Variants in CCDC154 observed in about 807,000 individuals in gnomAD.
CCDC154 encodes the protein coiled-coil domain-containing protein 154.
A neutral mutation model predicts 87.5 loss-of-function variants in CCDC154; 91 were observed. The ratio of observed to expected loss-of-function variants is 1.04; its 90% CI spans 0.88 to 1.24. The LOEUF is 1.24. Among genes scored for constraint, CCDC154 ranks in the 50% most tolerant of loss-of-function variants. CCDC154 has a pLI of 0.00. For synonymous variants in CCDC154, 418 were observed against 400.4 expected (o/e 1.04, Z -0.52); for missense variants, 903 against 879.2 (o/e 1.03, Z -0.34).
chr16:1,442,589 G>A, intron 5 of CCDC154, 60 bp from the exon 6 acceptor site: 1 of 1,465,088 alleles, frequency 6.8e-7, no homozygotes, highest in Non-Finnish European at 9.0e-7. Flanking sequence ...GCAGGGTGAG[G>A]CTGACCCACA....
At chr16:1,439,807 A>C (rs1596204369) in intron 6 of CCDC154, among the ~76,000 whole-genome samples, 1 of 151,980 alleles carries the variant, frequency 6.6e-6, no homozygotes, top group African/African-American at 2.4e-5. Flanking sequence ...TACAGCCCCC[A>C]CAGTAGACAT....
In CCDC154 at chr16:1,436,074, A is replaced by G; in HGVS notation, c.1500T>C (p.Val500=). Residue 500 remains valine (V), a synonymous_variant, in exon 14 of 17, where the codon GTT becomes GTC. Transcript: ENST00000389176. ...TGGCCAGCTCCTGCCGCAGGGCCCC[A>G]ACCTTGAACTCCCTATGGGCACCAG... is the stretch of plus-strand genomic sequence containing the variant. ...SAEGKAREFK[V]GALRQELATL... is the part of the protein sequence containing the mutation. 6.5e-7 allele frequency: 1 copy of G among 1,550,198 alleles called. No homozygotes were observed. The highest frequency in any genetic ancestry group is 1.2e-5 in the South Asian group (1 of 84,064).
chr16:1,434,546 TGCG>T lies in CCDC154; in HGVS notation c.1878-15_1878-13del. On this transcript the variant is annotated splice_polypyrimidine_tract_variant and intron_variant, in intron 16 of 16. Coordinates refer to ENST00000389176, the MANE Select transcript of CCDC154 (RefSeq NM_001143980.3). Reference sequence around the variant, plus strand: ...TCCAGCGCAGCCACCTGTCCAGAGATGCGGCACATGGCCCCTGCACCCCCGCCC... The same window carrying T: ...TCCAGCGCAGCCACCTGTCCAGAGATGCACATGGCCCCTGCACCCCCGCCC... 2.6e-6 allele frequency: 4 copies of T among 1,540,136 alleles called. No homozygotes were observed. Among genetic ancestry groups the T allele is most frequent in the Non-Finnish European group, 3.5e-6 (4 of 1,142,968 alleles).
rs896998355 is a variant in CCDC154, at chr16:1,443,491, G to T, written c.414+15C>A. ...GAAAGGGGCAGCTCGACCTGTGGGT[G>T]GGGGAGCCGCTCACCTCCGGCGCCT... On this transcript the variant is annotated intron_variant, in intron 3 of 16. Transcript: ENST00000389176. 18 of 1,451,756 alleles carry T rather than the reference G, an allele frequency of 1.2e-5. No individual in the cohort carries two copies. The highest frequency in any genetic ancestry group is 8.6e-5 in the South Asian group (6 of 69,646). The allele number at this position is 1,451,756 out of a possible 1,614,324, so 89.9% of individuals were successfully genotyped here.
intron 6 of CCDC154, among the ~76,000 whole-genome samples, chr16:1,441,923 T>C (rs1305725492): frequency 6.6e-6 from 1 of 151,198 alleles, no homozygotes; most frequent in East Asian, 2.0e-4. Flanking sequence ...TTTGTTTTTT[T>C]GTTTTGTTTT....
chr16:1,443,726 GGTGCCCGC>G, intron 2 of CCDC154, 31 bp from the exon 3 acceptor site: 1 of 1,301,216 alleles, frequency 7.7e-7, no homozygotes, highest in Non-Finnish European at 1.0e-6. Flanking sequence ...CGAGTCTGGC[GGTGCCCGC>G]CGTGGAGGCG....
In CCDC154 at chr16:1,439,012, G is replaced by A. The variant is rs1252921851; in HGVS notation, c.777+13C>T. ...AGGGGGGCAGGGCAGGCCAGCCGCG[G>A]GCAGGCTCCCACCTTCTCCAGGGCC... On this transcript the variant is annotated intron_variant, in intron 7 of 16. Coordinates refer to ENST00000389176, the MANE Select transcript of CCDC154 (RefSeq NM_001143980.3). 1.3e-6 allele frequency: 2 copies of A among 1,550,136 alleles called. No individual in the cohort carries two copies. The highest frequency in any genetic ancestry group is 1.7e-6 in the Non-Finnish European group (2 of 1,146,834).
rs953706076 is a variant in CCDC154, at chr16:1,438,879, C to T, written c.842G>A (p.Ser281Asn). Residue 281 changes from serine to asparagine, a missense_variant, in exon 8 of 17, where the codon AGC becomes AAC. Coordinates refer to ENST00000389176, the MANE Select transcript of CCDC154 (RefSeq NM_001143980.3). ...LEGSLRGELE[S>N]RWEKLRGLME... ...CAGCCCCCGAAGCTTCTCCCACCGG[C>T]TCTCCAGCTCGCCCCGCAGGCTGCC... 35 of 1,549,284 alleles carry T rather than the reference C, an allele frequency of 2.3e-5. No homozygotes were observed. The highest frequency in any genetic ancestry group is 2.7e-5 in the Non-Finnish European group (31 of 1,146,636).
chr16:1,440,991 C>T (rs905169448), intron 6 of CCDC154, among the ~76,000 whole-genome samples: 20 of 151,130 alleles, frequency 1.3e-4, no homozygotes, highest in African/African-American at 2.9e-4. Context: ...TGGTGGCATG[C>T]GCCCGCAGTC....
Position 1,443,550 on chromosome 16 carries a change from C to A in CCDC154, c.370G>T (p.Glu124Ter). ...GGGGCCTGGGCTGCCGGCCGCGCCT[C>A]CTGCTGCAACTGCCTCAGCTCTGAG... Reference protein sequence around the residue: ...QGSELRQLQQEARPAAQAPEK... With the variant: ...QGSELRQLQQ The change falls in exon 3 of 17, where the codon GAG (glutamate) becomes TAG (stop). Residue 124 changes from glutamate to a stop codon, truncating the protein, a stop_gained. Coordinates refer to ENST00000389176, the MANE Select transcript of CCDC154 (RefSeq NM_001143980.3). LOFTEE classifies it high-confidence loss of function. 6.8e-7 allele frequency: 1 copy of A among 1,480,372 alleles called. No homozygotes were observed. The highest frequency in any genetic ancestry group is 8.9e-7 in the Non-Finnish European group (1 of 1,121,244). The allele number at this position is 1,480,372 out of a possible 1,614,324, so 91.7% of individuals were successfully genotyped here.
intron 15 of CCDC154, 33 bp from the exon 16 acceptor site, chr16:1,434,885 G>A: frequency 6.1e-6 from 9 of 1,473,366 alleles, no homozygotes; most frequent in Non-Finnish European, 8.1e-6. Context: ...TCACCCAGGA[G>A]CCAGACCTCC....
intron 16 of CCDC154, 27 bp from the exon 17 acceptor site, chr16:1,434,561 C>T: frequency 6.5e-7 from 1 of 1,531,680 alleles, no homozygotes; most frequent in South Asian, 1.2e-5. Flanking sequence ...CACATGGCCC[C>T]TGCACCCCCG....
In CCDC154 at chr16:1,437,796, C is replaced by T. The variant is rs1421364508; in HGVS notation, c.1290+21G>A. On this transcript the variant is annotated intron_variant, in intron 11 of 16. Transcript: ENST00000389176. The stretch of plus-strand genomic sequence containing the variant: ...GGGACTCCCCATAGCCCCGCCTGCC[C>T]CCGCCCGCTGCCTGGCGCACCTCGG... 2.6e-6 allele frequency: 4 copies of T among 1,518,482 alleles called. No homozygotes were observed. The East Asian group carries it at 7.4e-5, about 28-fold the overall frequency. 94.1% of individuals were successfully genotyped at this position (1,518,482 alleles called of 1,614,324 possible). A position where few individuals can be genotyped will look rare whatever the true frequency, so the allele number is the denominator to read the frequency against.
At chr16:1,440,406 C>T (rs112570083) in intron 6 of CCDC154, among the ~76,000 whole-genome samples, 21 of 144,172 alleles carry the variant, frequency 1.5e-4, no homozygotes, top group African/African-American at 4.6e-4. Flanking sequence ...GCTGAGATCA[C>T]GCCACTGCAC....
At chr16:1,444,262 C>T in intron 1 of CCDC154, 54 bp downstream of exon 1, 7 of 1,295,118 alleles carry the variant, frequency 5.4e-6, no homozygotes, top group Non-Finnish European at 7.1e-6. Flanking sequence ...GCGGTCCCCA[C>T]CCTCACACCT....
In CCDC154 at chr16:1,438,808, G is replaced by T; in HGVS notation, c.906+7C>A. ...GCCCCACCTGCCCGCCGCCCGCCCGGCCCCACCTCATGCTGCCCCTGCAGG... is the reference window on the plus strand; with the variant it reads ...GCCCCACCTGCCCGCCGCCCGCCCGTCCCCACCTCATGCTGCCCCTGCAGG... On this transcript the variant is annotated splice_region_variant and intron_variant, in intron 8 of 16. Coordinates refer to ENST00000389176, the MANE Select transcript of CCDC154 (RefSeq NM_001143980.3). 1 of 1,540,914 alleles carries T rather than the reference G, an allele frequency of 6.5e-7. No individual in the cohort carries two copies.
At chr16:1,434,917 G>T (rs1187296046) in intron 15 of CCDC154, 65 bp from the exon 16 acceptor site, 3 of 1,450,472 alleles carry the variant, frequency 2.1e-6, no homozygotes, top group Non-Finnish European at 2.7e-6. Context: ...GGCAAACGGG[G>T]GCTTATCTCC....
At chr16:1,438,332 C>A (rs985012558) in intron 9 of CCDC154, 156 bp from the exon 10 acceptor site, 84 of 956,686 alleles carry the variant, frequency 8.8e-5, no homozygotes, top group Admixed American at 3.0e-5. Context: ...CACGGGTTCA[C>A]TCCCCATGGC....
In CCDC154 at chr16:1,438,046, T is replaced by C; in HGVS notation, c.1152+4A>G. ...GTTGGGGACATGTTGCGCTACCCCCTCACCAGCACCAGCTCTCCATGCATC... is the reference window on the plus strand; with the variant it reads ...GTTGGGGACATGTTGCGCTACCCCCCCACCAGCACCAGCTCTCCATGCATC... On this transcript the variant is annotated splice_donor_region_variant and intron_variant, in intron 10 of 16. Transcript: ENST00000389176. The C allele has an allele frequency of 1.3e-6, 2 of 1,546,794 alleles. No individual in the cohort carries two copies. The highest frequency in any genetic ancestry group is 1.7e-6 in the Non-Finnish European group (2 of 1,144,906).
Sources: allele counts gnomAD v4.1 joint callset (sites outside exome capture counted in the v4.1 genomes callset), GRCh38; gene constraint gnomAD v4.1.1; transcripts MANE v1.5; gene names NCBI Gene and HGNC (gene_info 2026-07-23, HGNC 2026-07-21).